HDAC3: variants seen among roughly 807,000 people sequenced by gnomAD.
The protein encoded by HDAC3 is SMAP45.
In HDAC3, 21 loss-of-function variants were observed where a neutral mutation model predicts 62.3. That is an observed-to-expected ratio of 0.34 (90% confidence interval 0.24 to 0.49). The LOEUF (loss-of-function observed/expected upper bound fraction) is 0.49, where lower values mean the gene tolerates loss of function less well. HDAC3 is among the 20% of genes least tolerant of loss of function. The probability of loss-of-function intolerance (pLI) is 0.99; values close to 1 mark genes in which losing one functional copy is unlikely to be tolerated. For missense variants in HDAC3, 270 were observed against 556.9 expected, an observed-to-expected ratio of 0.48 and a Z score of 5.19; for synonymous variants, 198 against 206.5, an observed-to-expected ratio of 0.96 and a Z score of 0.35.
At chr5:141,630,430 G>A (rs2099905030) in intron 3 of HDAC3, among the ~76,000 whole-genome samples, 1 of 152,174 alleles carries the variant, frequency 6.6e-6, no homozygotes, top group Admixed American at 6.5e-5. Context: ...GAAATCAGTT[G>A]AAAGAAAACA....
At chr5:141,634,028 A>T (rs2154598041) in intron 3 of HDAC3, among the ~76,000 whole-genome samples, 1 of 152,254 alleles carries the variant, frequency 6.6e-6, no homozygotes, top group East Asian at 1.9e-4. Context: ...TATAGAGTAG[A>T]GTGTGGCTTA....
At position 141,629,110 on chromosome 5, in the gene HDAC3, A is replaced by G; in HGVS notation, c.610+63T>C. The G allele has an allele frequency of 6.4e-7, 1 of 1,558,686 alleles. No individual in the cohort carries two copies. The highest frequency in any genetic ancestry group is 8.8e-7 in the Non-Finnish European group (1 of 1,138,144). On this transcript the variant is annotated intron_variant, in intron 7 of 14. Transcript: ENST00000305264. The surrounding 1 kb of genome is among the most constrained non-coding windows in gnomAD (Gnocchi z 5.3). ...CCTGAGATGAGACTAGAAGGCTGAG[A>G]AGGAGGCACTCATAGTAAAGAGCTG...
At position 141,620,976 on chromosome 5, in the gene HDAC3, A is replaced by G. The variant is rs1316550482; in HGVS notation, c.*492T>C. Reference sequence around the variant, plus strand: ...CAGAACATTTTCATATCCTCCCCACACTTGAAAACATACTTCCCATCATCT... The same window carrying G: ...CAGAACATTTTCATATCCTCCCCACGCTTGAAAACATACTTCCCATCATCT... On this transcript the variant is annotated 3_prime_UTR_variant, in exon 15 of 15. Transcript: ENST00000305264. 5.8e-6 allele frequency: 1 copy of G among 172,784 alleles called. No homozygotes were observed. The highest frequency in any genetic ancestry group is 1.2e-5 in the Non-Finnish European group (1 of 82,360). 10.7% of individuals were successfully genotyped at this position (172,784 alleles called of 1,614,324 possible). A position where few individuals can be genotyped will look rare whatever the true frequency, so the allele number is the denominator to read the frequency against.
chr5:141,625,814 C>G lies in HDAC3; in HGVS notation c.980-50G>C, dbSNP rs374356427. The stretch of plus-strand genomic sequence containing the variant: ...GGCTCAGACTGAGAAAGGCAGCTAA[C>G]AAGACTTCCCAATCTTTTTCCTTCC... On this transcript the variant is annotated intron_variant, in intron 12 of 14. Coordinates refer to ENST00000305264, the MANE Select transcript of HDAC3 (RefSeq NM_003883.4). This position sits in a 1 kb window ranked among gnomAD's most constrained non-coding sequence, Gnocchi z 4.0. The G allele has an allele frequency of 5.2e-6, 8 of 1,534,440 alleles. No homozygotes were observed. Among genetic ancestry groups the G allele is most frequent in the East Asian group, 2.2e-5 (1 of 44,508 alleles).
rs1312656909 is a variant in HDAC3 at position 141,629,676 on chromosome 5, C to T, written c.476+8G>A. On this transcript the variant is annotated splice_region_variant and intron_variant, in intron 6 of 14. Coordinates refer to ENST00000305264, the MANE Select transcript of HDAC3 (RefSeq NM_003883.4). The surrounding 1 kb of genome is among the most constrained non-coding windows in gnomAD (Gnocchi z 5.3). ...GTAACTGCCCCCATCTCCTCCTGGG[C>T]TACTTACTTGAGCAGCTCCAGGATG... 1.9e-6 allele frequency: 3 copies of T among 1,613,674 alleles called. No homozygotes were observed. The highest frequency in any genetic ancestry group is 2.2e-5 in the South Asian group (2 of 91,066).
In HDAC3 at chr5:141,625,043, G is replaced by C. The variant is rs879296618; in HGVS notation, c.1217+165C>G. On this transcript the variant is annotated intron_variant, in intron 14 of 14. Coordinates refer to ENST00000305264, the MANE Select transcript of HDAC3 (RefSeq NM_003883.4). This position sits in a 1 kb window ranked among gnomAD's most constrained non-coding sequence, Gnocchi z 4.0. The stretch of plus-strand genomic sequence containing the variant: ...TTTTAAAATTTTGCAATAAATACGT[G>C]TTACTTTTGTCATTAAAAATAACAA... 1.1e-5 allele frequency: 8 copies of C among 716,266 alleles called. No individual in the cohort carries two copies. The highest frequency in any genetic ancestry group is 2.9e-5 in the Admixed American group (1 of 34,366). 44.4% of individuals were successfully genotyped at this position (716,266 alleles called of 1,614,324 possible).
chr5:141,630,307 C>A (rs1439559030), intron 3 of HDAC3, among the ~76,000 whole-genome samples, 182 bp from the exon 4 acceptor site: 2 of 152,188 alleles, frequency 1.3e-5, no homozygotes, highest in Non-Finnish European at 2.9e-5. Context: ...TGTACCAAGC[C>A]CTGTGCAAGG....
intron 3 of HDAC3, among the ~76,000 whole-genome samples, chr5:141,633,702 T>A (rs2099905554): frequency 6.6e-6 from 1 of 151,332 alleles, no homozygotes; most frequent in Admixed American, 6.6e-5. Context: ...GGCAGGCGCC[T>A]GTAATCCCAG....
rs1596438060 is a variant in HDAC3 at position 141,626,444 on chromosome 5, C to T, written c.831-161G>A. 6.3e-6 allele frequency: 4 copies of T among 634,512 alleles called. No individual in the cohort carries two copies. Among genetic ancestry groups the T allele is most frequent in the Non-Finnish European group, 8.4e-6 (3 of 358,464 alleles). 39.3% of individuals were successfully genotyped at this position (634,512 alleles called of 1,614,324 possible). A position where few individuals can be genotyped will look rare whatever the true frequency, so the allele number is the denominator to read the frequency against. On this transcript the variant is annotated intron_variant, in intron 10 of 14. Coordinates refer to ENST00000305264, the MANE Select transcript of HDAC3 (RefSeq NM_003883.4). This position sits in a 1 kb window ranked among gnomAD's most constrained non-coding sequence, Gnocchi z 4.6. ...GTTATACCCTTAAGATTTGGGTATA[C>T]TTTATATGCTGTGTCTCAATAAAAA...
chr5:141,629,932 C>A lies in HDAC3; in HGVS notation c.364-16G>T. The A allele has an allele frequency of 6.2e-7, 1 of 1,614,152 alleles. No individual in the cohort carries two copies. On this transcript the variant is annotated splice_polypyrimidine_tract_variant and intron_variant, in intron 4 of 14. Coordinates refer to ENST00000305264, the MANE Select transcript of HDAC3 (RefSeq NM_003883.4). The surrounding 1 kb of genome is among the most constrained non-coding windows in gnomAD (Gnocchi z 5.3). ...TATCACAGATCTGAAAGACAAACAC[C>A]TAAGTCACAGTCCTTCCTGCCCACC...
intron 14 of HDAC3, 24 bp from the exon 15 acceptor site, chr5:141,621,561 C>A: frequency 6.3e-7 from 1 of 1,593,418 alleles, no homozygotes; most frequent in Non-Finnish European, 8.6e-7. Flanking sequence ...GGAGAGAGGT[C>A]AGGATCTCAC....
At position 141,621,081 on chromosome 5, in the gene HDAC3, G is replaced by A. The variant is rs1462702881; in HGVS notation, c.*387C>T. 8.9e-6 allele frequency: 2 copies of A among 225,804 alleles called. No homozygotes were observed. The highest frequency in any genetic ancestry group is 1.8e-5 in the Non-Finnish European group (2 of 113,776). The allele number at this position is 225,804 out of a possible 1,614,324, so 14.0% of individuals were successfully genotyped here. On this transcript the variant is annotated 3_prime_UTR_variant, in exon 15 of 15. Transcript: ENST00000305264. ...TCCCTGGAAGCAAGGGGAGGAAGAA[G>A]TCAGAACCCAGGGGAGGAGGAAGTC...
At chr5:141,623,959 A>T (rs1489214338) in intron 14 of HDAC3, among the ~76,000 whole-genome samples, 2 of 151,342 alleles carry the variant, frequency 1.3e-5, no homozygotes, top group Admixed American at 6.6e-5. Context: ...TTTTGGGATT[A>T]AAAAAAAATT....
At chr5:141,627,184 C>T (rs964729875) in intron 10 of HDAC3, among the ~76,000 whole-genome samples, 12 of 152,210 alleles carry the variant, frequency 7.9e-5, no homozygotes, top group African/African-American at 2.9e-4. Flanking sequence ...AAGTGATCCT[C>T]CTGCCTCAGC....
chr5:141,627,825 C>A, intron 10 of HDAC3, 68 bp downstream of exon 10: 1 of 1,378,492 alleles, frequency 7.3e-7, no homozygotes, highest in Non-Finnish European at 1.0e-6. Flanking sequence ...CCCCAACTAC[C>A]CCCACCCACG....
rs1368522355 is a variant in HDAC3, at chr5:141,628,071, A to C, written c.765+43T>G. On this transcript the variant is annotated intron_variant, in intron 9 of 14. Coordinates refer to ENST00000305264, the MANE Select transcript of HDAC3 (RefSeq NM_003883.4). The surrounding 1 kb of genome is among the most constrained non-coding windows in gnomAD (Gnocchi z 4.7). ...TCCTCTTCCCTTGCTCTCTTTCCCC[A>C]AGCCCAGGCAGAACACTCCTGAGGA... 1.2e-6 allele frequency: 2 copies of C among 1,607,408 alleles called. No individual in the cohort carries two copies. Among genetic ancestry groups the C allele is most frequent in the Non-Finnish European group, 1.7e-6 (2 of 1,173,896 alleles).
Position 141,629,438 on chromosome 5 carries a change from C to A in HDAC3, c.477-132G>T. 1 of 1,275,734 alleles carries A rather than the reference C, an allele frequency of 7.8e-7. No homozygotes were observed. Among genetic ancestry groups the A allele is most frequent in the East Asian group, 2.4e-5 (1 of 42,408 alleles). The allele number at this position is 1,275,734 out of a possible 1,614,324, so 79.0% of individuals were successfully genotyped here. On this transcript the variant is annotated intron_variant, in intron 6 of 14. Coordinates refer to ENST00000305264, the MANE Select transcript of HDAC3 (RefSeq NM_003883.4). This position sits in a 1 kb window ranked among gnomAD's most constrained non-coding sequence, Gnocchi z 5.3. ...CCTGAAACTTAATGTCACCAGTTCC[C>A]TAAAGGCAACTGGGGGCTCCAGCCT...
At chr5:141,623,683 G>C (rs927789331) in intron 14 of HDAC3, among the ~76,000 whole-genome samples, 3 of 152,152 alleles carry the variant, frequency 2.0e-5, no homozygotes, top group African/African-American at 7.2e-5. Context: ...CCAAGAGTCA[G>C]AGCAGTAAAG....
intron 3 of HDAC3, among the ~76,000 whole-genome samples, chr5:141,632,542 G>T (rs979837430): frequency 6.6e-6 from 1 of 152,074 alleles, no homozygotes; most frequent in African/African-American, 2.4e-5. Flanking sequence ...TTCCCTAATC[G>T]CACAAAGAGC....
Sources: gnomAD v4.1 joint callset for allele counts (sites outside exome capture counted in the v4.1 genomes callset) on GRCh38, gnomAD v4.1.1 for gene constraint, Gnocchi (gnomAD v3.1) non-coding constraint, MANE v1.5 for transcripts, NCBI Gene and HGNC (gene_info 2026-07-23, HGNC 2026-07-21) for gene names.